CNTN4: variants seen among roughly 807,000 people sequenced by gnomAD.
The protein encoded by CNTN4 is contactin-4.
In CNTN4, 77 loss-of-function variants were observed where a neutral mutation model predicts 122.5. That is an observed-to-expected ratio of 0.63 (90% CI 0.52 to 0.76). The LOEUF is 0.76. Among genes scored for constraint, CNTN4 ranks in the 30% least tolerant of loss-of-function variants. CNTN4 has a pLI of 0.00. For synonymous variants in CNTN4, 512 were observed against 447.0 expected, an observed-to-expected ratio of 1.15 and a Z score of -1.83; for missense variants, 1,256 against 1,259.1, an observed-to-expected ratio of 1.00 and a Z score of 0.04.
At chr3:2,253,298 G>A (rs570137568) in intron 2 of CNTN4, among the ~76,000 whole-genome samples, 74 of 152,244 alleles carry the variant, frequency 4.9e-4, no homozygotes, top group Admixed American at 8.5e-4. Context: ...AGAATAAACA[G>A]TGACTTTATG....
At chr3:2,626,976 C>G (rs549163964) in intron 4 of CNTN4, among the ~76,000 whole-genome samples, 5 of 152,218 alleles carry the variant, frequency 3.3e-5, no homozygotes, top group Non-Finnish European at 7.3e-5. Flanking sequence ...TGTGTCCATA[C>G]TCAGTCTGCC....
At position 3,006,166 on chromosome 3, in the gene CNTN4, G is replaced by A. The variant is rs145090969; in HGVS notation, c.1486+17694G>A. On this transcript the variant is annotated intron_variant, in intron 14 of 24. Coordinates refer to ENST00000418658, the MANE Select transcript of CNTN4 (RefSeq NM_175607.3). ...GCTGGGATTACAGGCATGAGCCACC[G>A]CGCCCAGCCCACGCTGTGTAGATTT... is the stretch of plus-strand genomic sequence containing the variant. 1.7e-3 allele frequency among the ~76,000 whole-genome samples: 260 copies of A among 152,156 alleles called. 1 individual carries two copies. Among genetic ancestry groups the A allele is most frequent in the African/African-American group, 5.7e-3 (238 of 41,526 alleles).
At chr3:3,015,628 G>A (rs114842302) in intron 14 of CNTN4, among the ~76,000 whole-genome samples, 1 of 152,264 alleles carries the variant, frequency 6.6e-6, no homozygotes, top group African/African-American at 2.4e-5. Context: ...ACAGGAGCAG[G>A]TTAAACAGAA....
At chr3:2,534,163 A>G (rs1465767610) in intron 3 of CNTN4, among the ~76,000 whole-genome samples, 4 of 151,974 alleles carry the variant, frequency 2.6e-5, no homozygotes, top group African/African-American at 7.2e-5. Context: ...TGGTGTTTTA[A>G]ACATGAAGTC....
At chr3:2,873,544 A>G (rs1019404503) in intron 8 of CNTN4, among the ~76,000 whole-genome samples, 1 of 152,228 alleles carries the variant, frequency 6.6e-6, no homozygotes, top group Non-Finnish European at 1.5e-5. Flanking sequence ...TAGAAAGCAG[A>G]AAACTAAAAG....
chr3:2,427,491 A>T (rs2047885256), intron 3 of CNTN4, among the ~76,000 whole-genome samples: 1 of 152,170 alleles, frequency 6.6e-6, no homozygotes, highest in African/African-American at 2.4e-5. Context: ...TTTACTTCCA[A>T]CTTTGTGGTC....
intron 7 of CNTN4, among the ~76,000 whole-genome samples, chr3:2,855,782 C>A (rs2150721436): frequency 6.6e-6 from 1 of 152,312 alleles, no homozygotes. Flanking sequence ...TTTACTGAGT[C>A]CTTCTCATTC....
chr3:2,117,986 T>A (rs1574861787), intron 2 of CNTN4, among the ~76,000 whole-genome samples: 1 of 152,220 alleles, frequency 6.6e-6, no homozygotes, highest in Non-Finnish European at 1.5e-5. Flanking sequence ...AAAAACTTTT[T>A]CTTAGAAAAA....
intron 4 of CNTN4, among the ~76,000 whole-genome samples, chr3:2,669,096 C>G (rs2084344004): frequency 6.6e-6 from 1 of 152,162 alleles, no homozygotes; most frequent in Admixed American, 6.5e-5. Flanking sequence ...CAGGATGATG[C>G]TGGCCTCATA....
At chr3:3,009,792 A>G (rs777806887) in intron 14 of CNTN4, among the ~76,000 whole-genome samples, 2 of 152,100 alleles carry the variant, frequency 1.3e-5, no homozygotes, top group Non-Finnish European at 2.9e-5. Flanking sequence ...TCACATGTCT[A>G]TTGACTCACA....
intron 13 of CNTN4, among the ~76,000 whole-genome samples, chr3:2,983,032 G>C (rs1164197157): frequency 1.3e-5 from 2 of 151,630 alleles, no homozygotes; most frequent in Non-Finnish European, 2.9e-5. Flanking sequence ...GGCGAACACG[G>C]TGAAAACCTG....
At position 2,495,513 on chromosome 3, in the gene CNTN4, T is replaced by C. The variant is rs1360698973; in HGVS notation, c.-88-75903T>C. Among the ~76,000 whole-genome samples, 5 of 152,328 alleles carry C rather than the reference T, an allele frequency of 3.3e-5. 1 individual carries two copies. In the East Asian group the frequency reaches 7.7e-4, roughly 24 times the overall value. ...TGTTTGGTCCCCAATCCCCAGGCCATGGACAGGTTACCTGTCTGTGGCCTG... is the reference window on the plus strand; with the variant it reads ...TGTTTGGTCCCCAATCCCCAGGCCACGGACAGGTTACCTGTCTGTGGCCTG... On this transcript the variant is annotated intron_variant, in intron 3 of 24. Transcript: ENST00000418658.
intron 2 of CNTN4, among the ~76,000 whole-genome samples, chr3:2,230,021 T>A (rs1163258640): frequency 2.6e-5 from 4 of 152,220 alleles, no homozygotes; most frequent in Non-Finnish European, 5.9e-5. Flanking sequence ...GTTTCTCTAC[T>A]CTGAATGCTG....
intron 7 of CNTN4, among the ~76,000 whole-genome samples, chr3:2,828,649 A>G (rs1482531512): frequency 6.6e-6 from 1 of 152,176 alleles, no homozygotes; most frequent in Non-Finnish European, 1.5e-5. Context: ...ATCTCAATTC[A>G]GAGGGGAAAG....
At chr3:2,821,926 G>A (rs151042962) in intron 7 of CNTN4, among the ~76,000 whole-genome samples, 139 of 152,254 alleles carry the variant, frequency 9.1e-4, no homozygotes, top group African/African-American at 3.2e-3. Flanking sequence ...TTTGTCCTCT[G>A]TTCAAAAGTT....
At chr3:2,881,897 A>C (rs1362027569) in intron 8 of CNTN4, among the ~76,000 whole-genome samples, 1 of 152,246 alleles carries the variant, frequency 6.6e-6, no homozygotes, top group African/African-American at 2.4e-5. Context: ...GGAAGCCTAA[A>C]GGAGAGATGA....
At chr3:2,412,321 G>A (rs1019809332) in intron 3 of CNTN4, among the ~76,000 whole-genome samples, 5 of 151,474 alleles carry the variant, frequency 3.3e-5, no homozygotes, top group Non-Finnish European at 7.4e-5. Flanking sequence ...GCGCTATCTC[G>A]GCTCACTGCA....
rs369458018 is a variant in CNTN4 at position 2,366,554 on chromosome 3, T to C, written c.-89+27321T>C. ...CATCCTGGCTAACATGGTGAAACCCTGTCTCCACTAAAAATACAAAAAATT... is the reference window on the plus strand; with the variant it reads ...CATCCTGGCTAACATGGTGAAACCCCGTCTCCACTAAAAATACAAAAAATT... On this transcript the variant is annotated intron_variant, in intron 3 of 24. Transcript: ENST00000418658. Among the ~76,000 whole-genome samples, 704 of 151,946 alleles carry C rather than the reference T, an allele frequency of 4.6e-3. 8 individuals are homozygous for C. The highest frequency in any genetic ancestry group is 0.015 in the African/African-American group (632 of 41,458).
At chr3:2,722,757 A>G (rs1031979130) in intron 4 of CNTN4, among the ~76,000 whole-genome samples, 3 of 152,242 alleles carry the variant, frequency 2.0e-5, no homozygotes, top group African/African-American at 4.8e-5. Context: ...ACAAAATGAC[A>G]TAGAAAAGGC....
Sources: gnomAD v4.1 joint callset for allele counts (sites outside exome capture counted in the v4.1 genomes callset) on GRCh38, gnomAD v4.1.1 for gene constraint, MANE v1.5 for transcripts, NCBI Gene and HGNC (gene_info 2026-07-23, HGNC 2026-07-21) for gene names.